MYLK: variants seen among roughly 807,000 people sequenced by gnomAD.
The protein encoded by MYLK is myosin light chain kinase, smooth muscle.
In MYLK, 106 loss-of-function variants were observed where a neutral mutation model predicts 203.4. That is an observed-to-expected ratio of 0.52 (90% CI 0.45 to 0.61). The LOEUF is 0.61. Ranked by LOEUF, MYLK falls within the 20% of genes least tolerant of loss-of-function variation. The pLI is 0.00. For synonymous variants in MYLK, 867 were observed against 959.5 expected, an observed-to-expected ratio of 0.90 and a Z score of 1.78; for missense variants, 2,072 against 2,442.3, an observed-to-expected ratio of 0.85 and a Z score of 3.20.
intron 22 of MYLK, among the ~76,000 whole-genome samples, chr3:123,665,218 T>C (rs892759059): frequency 1.3e-5 from 2 of 152,238 alleles, no homozygotes; most frequent in African/African-American, 4.8e-5. Context: ...AAGTGCTCAA[T>C]AGCCCCATGT....
chr3:123,721,407 G>A (rs185747966), intron 13 of MYLK, among the ~76,000 whole-genome samples: 62 of 152,242 alleles, frequency 4.1e-4, no homozygotes, highest in African/African-American at 1.4e-3. Flanking sequence ...GCACTTCCAC[G>A]GGAACTGTCA....
chr3:123,775,931 T>A (rs2064058455), intron 4 of MYLK, among the ~76,000 whole-genome samples: 1 of 152,194 alleles, frequency 6.6e-6, no homozygotes, highest in Admixed American at 6.5e-5. Context: ...TGAGGTCTCC[T>A]GAGCCCTAGG....
rs1029581977 is a variant in MYLK, at chr3:123,692,334, G to A, written c.3565+401C>T. 17 of 1,165,426 alleles carry A rather than the reference G, an allele frequency of 1.5e-5. No homozygotes were observed. In the African/African-American group the frequency reaches 1.6e-4, roughly 11 times the overall value. The allele number at this position is 1,165,426 out of a possible 1,614,324, so 72.2% of individuals were successfully genotyped here. The stretch of plus-strand genomic sequence containing the variant: ...CCTCGCTCTGCTCCCTCCTCCTCAC[G>A]GCTGACCCTGCTGGGTCGTCCTGCC... On this transcript the variant is annotated intron_variant, in intron 19 of 33. Transcript: ENST00000360304.
intron 18 of MYLK, 106 bp downstream of exon 18, chr3:123,699,914 G>C: frequency 6.7e-7 from 1 of 1,485,482 alleles, no homozygotes; most frequent in Non-Finnish European, 9.3e-7. Flanking sequence ...CAGGTTAGCA[G>C]CCTACCTATG....
At chr3:123,771,460 T>C (rs1413554645) in intron 4 of MYLK, among the ~76,000 whole-genome samples, 1 of 152,220 alleles carries the variant, frequency 6.6e-6, no homozygotes, top group African/African-American at 2.4e-5. Flanking sequence ...AGTTTATTCC[T>C]AAATATTGTT....
rs1418818773 is a variant in MYLK, at chr3:123,610,270, C to T, written c.*3835G>A. ...TTAAATAGCCACTTGTGAGTAGTGG[C>T]TACCATCCTGGTCACCACACATCCA... On this transcript the variant is annotated 3_prime_UTR_variant, in exon 34 of 34. Transcript: ENST00000360304. 1.3e-5 allele frequency: 2 copies of T among 152,146 alleles called. No homozygotes were observed. 9.4% of individuals were successfully genotyped at this position (152,146 alleles called of 1,614,324 possible).
At chr3:123,837,096 A>G (rs1294545310) in intron 2 of MYLK, among the ~76,000 whole-genome samples, 1 of 152,064 alleles carries the variant, frequency 6.6e-6, no homozygotes, top group African/African-American at 2.4e-5. Context: ...CTGGAGTGCA[A>G]TGGTGCAGCT....
At chr3:123,701,625 A>C in intron 16 of MYLK, 116 bp from the exon 17 acceptor site, 5 of 976,554 alleles carry the variant, frequency 5.1e-6, no homozygotes, top group Non-Finnish European at 8.1e-6. Flanking sequence ...CGCCGGCTTG[A>C]CTGAGACATT....
In MYLK at chr3:123,620,354, G is replaced by T; in HGVS notation, c.5239-18C>A. The stretch of plus-strand genomic sequence containing the variant: ...CCCGTTTTCTGGAAAATAGACACGA[G>T]GGTTGGACTCAGGCGTTGTCCCTGG... On this transcript the variant is annotated intron_variant, in intron 31 of 33. Coordinates refer to ENST00000360304, the MANE Select transcript of MYLK (RefSeq NM_053025.4). 1 of 1,613,984 alleles carries T rather than the reference G, an allele frequency of 6.2e-7. No homozygotes were observed. The highest frequency in any genetic ancestry group is 8.5e-7 in the Non-Finnish European group (1 of 1,179,934).
intron 2 of MYLK, among the ~76,000 whole-genome samples, chr3:123,858,296 T>C (rs1353933000): frequency 6.6e-6 from 1 of 152,098 alleles, no homozygotes; most frequent in East Asian, 1.9e-4. Flanking sequence ...GAAAGGAAAA[T>C]AGGACTAGGT....
intron 5 of MYLK, among the ~76,000 whole-genome samples, chr3:123,745,868 G>C (rs186567439): frequency 6.6e-6 from 1 of 151,832 alleles, no homozygotes; most frequent in Non-Finnish European, 1.5e-5. Context: ...TATTTTTTAC[G>C]TATTTTTGAG....
intron 3 of MYLK, among the ~76,000 whole-genome samples, chr3:123,818,700 A>C (rs1191074259): frequency 6.6e-6 from 1 of 152,110 alleles, no homozygotes; most frequent in Non-Finnish European, 1.5e-5. Context: ...AAAAACAAAA[A>C]CAAAAACCCA....
At chr3:123,686,182 A>T (rs2060448219) in intron 19 of MYLK, among the ~76,000 whole-genome samples, 1 of 152,160 alleles carries the variant, frequency 6.6e-6, no homozygotes, top group Admixed American at 6.5e-5. Flanking sequence ...GATGAAATTA[A>T]ACTCCATTTC....
chr3:123,743,835 T>C (rs1256514293), intron 5 of MYLK, among the ~76,000 whole-genome samples: 1 of 152,056 alleles, frequency 6.6e-6, no homozygotes, highest in Admixed American at 6.6e-5. Flanking sequence ...TGATCAAAAT[T>C]GAAAGGAGCC....
chr3:123,690,325 T>C (rs956109426), intron 19 of MYLK, among the ~76,000 whole-genome samples: 2 of 152,216 alleles, frequency 1.3e-5, no homozygotes, highest in Admixed American at 6.5e-5. Context: ...GATTCATGAC[T>C]CCTTTTGAGA....
rs540561332 is a variant in MYLK, at chr3:123,812,214, G to A, written c.-3-18370C>T. ...TCTATCACCTTAATGGCTTCATCCCGCTCTGCTTCTGGGCTCAAGAGAAAA... is the reference window on the plus strand; with the variant it reads ...TCTATCACCTTAATGGCTTCATCCCACTCTGCTTCTGGGCTCAAGAGAAAA... On this transcript the variant is annotated intron_variant, in intron 3 of 33. Coordinates refer to ENST00000360304, the MANE Select transcript of MYLK (RefSeq NM_053025.4). Among the ~76,000 whole-genome samples, 6 of 152,156 alleles carry A rather than the reference G, an allele frequency of 3.9e-5. 1 individual carries two copies. Among genetic ancestry groups the A allele is most frequent in the South Asian group, 4.2e-4 (2 of 4,816 alleles).
rs756612549 is a variant in MYLK, at chr3:123,640,526, G to A, written c.4620-22C>T. 10 of 1,613,056 alleles carry A rather than the reference G, an allele frequency of 6.2e-6. No homozygotes were observed. The highest frequency in any genetic ancestry group is 8.5e-6 in the Non-Finnish European group (10 of 1,179,778). ...CACGCTGCGGGAACACGTGCACGGG[G>A]TGGTCAGGCCACAGGCTCATGGAGG... On this transcript the variant is annotated intron_variant, in intron 27 of 33. Transcript: ENST00000360304. The surrounding 1 kb of genome is among the most constrained non-coding windows in gnomAD (Gnocchi z 4.3).
chr3:123,763,399 T>C (rs1268994478), intron 4 of MYLK, among the ~76,000 whole-genome samples: 1 of 152,182 alleles, frequency 6.6e-6, no homozygotes, highest in Non-Finnish European at 1.5e-5. Context: ...CTCTTGGAAA[T>C]TTCTCATTCT....
At chr3:123,854,878 T>C (rs1007380334) in intron 2 of MYLK, among the ~76,000 whole-genome samples, 1 of 152,212 alleles carries the variant, frequency 6.6e-6, no homozygotes, top group Non-Finnish European at 1.5e-5. Flanking sequence ...TATCTAGGTA[T>C]AGTATTTTAG....
Sources: gnomAD v4.1 joint callset for allele counts (sites outside exome capture counted in the v4.1 genomes callset) on GRCh38, gnomAD v4.1.1 for gene constraint, Gnocchi (gnomAD v3.1) non-coding constraint, MANE v1.5 for transcripts, NCBI Gene and HGNC (gene_info 2026-07-23, HGNC 2026-07-21) for gene names.